Variants in LRFN2 observed in about 807,000 individuals in gnomAD.
LRFN2 encodes the protein leucine rich repeat and fibronectin type III domain containing 2.
A neutral mutation model predicts 37.3 loss-of-function variants in LRFN2; 18 were observed. That is an observed-to-expected ratio of 0.48 (90% CI 0.33 to 0.72). The LOEUF is 0.72. LRFN2 is among the 30% of genes least tolerant of loss of function. The probability of loss-of-function intolerance (pLI) is 0.02; values close to 1 mark genes in which losing one functional copy is unlikely to be tolerated. For synonymous variants in LRFN2, 556 were observed against 466.6 expected, an observed-to-expected ratio of 1.19 and a Z score of -2.47; for missense variants, 1,006 against 1,060.7, an observed-to-expected ratio of 0.95 and a Z score of 0.72.
chr6:40,475,977 C>A (rs994286325), intron 1 of LRFN2, among the ~76,000 whole-genome samples: 3 of 152,168 alleles, frequency 2.0e-5, no homozygotes, highest in Non-Finnish European at 4.4e-5. Flanking sequence ...TTTCTTTCCT[C>A]CTTAAAATAT....
intron 1 of LRFN2, among the ~76,000 whole-genome samples, chr6:40,580,774 G>T (rs766922888): frequency 1.3e-5 from 2 of 152,224 alleles, no homozygotes; most frequent in African/African-American, 4.8e-5. Flanking sequence ...GTGCATGTAT[G>T]TGTGAATATG....
intron 1 of LRFN2, among the ~76,000 whole-genome samples, chr6:40,551,763 GTGAT>G (rs1380965116): frequency 6.6e-6 from 1 of 152,202 alleles, no homozygotes; most frequent in Non-Finnish European, 1.5e-5. Flanking sequence ...GCAACGCACA[GTGAT>G]TGAAGAATTC....
At chr6:40,419,220 T>C (rs979004644) in intron 2 of LRFN2, among the ~76,000 whole-genome samples, 7 of 152,218 alleles carry the variant, frequency 4.6e-5, no homozygotes, top group African/African-American at 9.6e-5. Flanking sequence ...CAGCCTTTCA[T>C]GGATTGATGC....
chr6:40,480,133 T>C (rs902483879), intron 1 of LRFN2, among the ~76,000 whole-genome samples: 9 of 152,226 alleles, frequency 5.9e-5, no homozygotes, highest in Non-Finnish European at 1.0e-4. Flanking sequence ...ATTTACTCTT[T>C]ATACAGCACT....
chr6:40,405,737 G>A (rs959642480), intron 2 of LRFN2, among the ~76,000 whole-genome samples: 3 of 152,302 alleles, frequency 2.0e-5, no homozygotes, highest in Admixed American at 1.3e-4. Flanking sequence ...AACCCCCCAT[G>A]AAACTATTGT....
At chr6:40,557,928 G>C (rs6906044) in intron 1 of LRFN2, among the ~76,000 whole-genome samples, 71,982 of 151,910 alleles carry the variant, frequency 0.47, 18,072 homozygotes, top group African/African-American at 0.64. Context: ...TGCACGGAAG[G>C]CTTTTATAAC....
chr6:40,460,888 A>G (rs1375947311), intron 1 of LRFN2, among the ~76,000 whole-genome samples: 1 of 152,210 alleles, frequency 6.6e-6, no homozygotes, highest in Non-Finnish European at 1.5e-5. Context: ...AGCGCAGAGA[A>G]TATATGCTTG....
intron 1 of LRFN2, among the ~76,000 whole-genome samples, chr6:40,449,425 G>A (rs538915373): frequency 2.2e-4 from 33 of 152,348 alleles, no homozygotes; most frequent in African/African-American, 7.0e-4. Context: ...ATGTGACTTA[G>A]TTCTAACCAA....
intron 1 of LRFN2, among the ~76,000 whole-genome samples, chr6:40,461,065 A>G (rs1311706039): frequency 6.6e-6 from 1 of 152,176 alleles, no homozygotes; most frequent in East Asian, 1.9e-4. Context: ...TACACTATAT[A>G]CCAAGCATCT....
At chr6:40,556,431 C>T (rs944550999) in intron 1 of LRFN2, among the ~76,000 whole-genome samples, 5 of 152,172 alleles carry the variant, frequency 3.3e-5, no homozygotes, top group East Asian at 1.9e-4. Flanking sequence ...CATGAAGCCC[C>T]ACCTGCACTT....
At chr6:40,537,834 G>C (rs1456537969) in intron 1 of LRFN2, among the ~76,000 whole-genome samples, 2 of 152,096 alleles carry the variant, frequency 1.3e-5, no homozygotes, top group African/African-American at 4.8e-5. Flanking sequence ...ACATATGAGG[G>C]AGGGGCTAAG....
At chr6:40,473,564 TATC>T (rs1424015460) in intron 1 of LRFN2, among the ~76,000 whole-genome samples, 1 of 152,208 alleles carries the variant, frequency 6.6e-6, no homozygotes, top group Non-Finnish European at 1.5e-5. Context: ...GCATTACTAT[TATC>T]ATCCCTGTTT....
At chr6:40,402,430 G>C (rs1762758818) in intron 2 of LRFN2, among the ~76,000 whole-genome samples, 1 of 152,154 alleles carries the variant, frequency 6.6e-6, no homozygotes, top group Non-Finnish European at 1.5e-5. Context: ...TTGGAGTCAG[G>C]CCAACTGTTT....
chr6:40,494,565 C>A lies in LRFN2; in HGVS notation c.-18-61434G>T, dbSNP rs536128813. ...CTGTCTCTCTCCACAACTATCCCTGCCATCATTCCTGACAATTTCATATCC... is the reference window on the plus strand; with the variant it reads ...CTGTCTCTCTCCACAACTATCCCTGACATCATTCCTGACAATTTCATATCC... On this transcript the variant is annotated intron_variant, in intron 1 of 2. Coordinates refer to ENST00000338305, the MANE Select transcript of LRFN2 (RefSeq NM_020737.3). 2.0e-5 allele frequency among the ~76,000 whole-genome samples: 3 copies of A among 152,294 alleles called. No individual in the cohort carries two copies. The East Asian group carries it at 5.8e-4, about 29-fold the overall frequency.
At chr6:40,540,690 T>G (rs1766537441) in intron 1 of LRFN2, among the ~76,000 whole-genome samples, 1 of 152,140 alleles carries the variant, frequency 6.6e-6, no homozygotes, top group African/African-American at 2.4e-5. Context: ...CACGGGGCCT[T>G]CTGCAGAGTA....
chr6:40,531,454 T>G (rs376921), intron 1 of LRFN2, among the ~76,000 whole-genome samples: 99,040 of 151,984 alleles, frequency 0.65, 33,469 homozygotes, highest in African/African-American at 0.84. Context: ...TTACATTTCC[T>G]CTGTGTTTAG....
intron 1 of LRFN2, among the ~76,000 whole-genome samples, chr6:40,479,169 C>G (rs967261774): frequency 1.4e-4 from 21 of 152,214 alleles, no homozygotes; most frequent in African/African-American, 5.1e-4. Context: ...GAATATTAAG[C>G]TCTTAGAATG....
chr6:40,395,231 G>A (rs569016816), intron 2 of LRFN2, among the ~76,000 whole-genome samples: 2 of 152,310 alleles, frequency 1.3e-5, no homozygotes, highest in Non-Finnish European at 2.9e-5. Context: ...ACTCAGAGAG[G>A]GTAAGTGATC....
chr6:40,501,147 C>CAT (rs1350213817), intron 1 of LRFN2, among the ~76,000 whole-genome samples: 1 of 151,102 alleles, frequency 6.6e-6, no homozygotes, highest in Non-Finnish European at 1.5e-5. Context: ...CAAATGCCTA[C>CAT]ATATATATCT....
Sources: gnomAD v4.1 joint callset for allele counts (sites outside exome capture counted in the v4.1 genomes callset) on GRCh38, gnomAD v4.1.1 for gene constraint, MANE v1.5 for transcripts, NCBI Gene and HGNC (gene_info 2026-07-23, HGNC 2026-07-21) for gene names.